RAB6A: variants seen among roughly 807,000 people sequenced by gnomAD.
The protein encoded by RAB6A is RAB6A, member RAS oncogene family, also known as ras-related protein Rab-6A.
In RAB6A, 8 loss-of-function variants were observed where a neutral mutation model predicts 32.3. The observed-to-expected ratio is 0.25, with a 90% CI of 0.15 to 0.45. RAB6A has a LOEUF of 0.45. Ranked by LOEUF, RAB6A falls within the 20% of genes least tolerant of loss-of-function variation. The probability of loss-of-function intolerance (pLI) is 1.00; values close to 1 mark genes in which losing one functional copy is unlikely to be tolerated. For missense variants in RAB6A, 104 were observed against 249.4 expected, an observed-to-expected ratio of 0.42 and a Z score of 3.93; for synonymous variants, 73 against 82.1, an observed-to-expected ratio of 0.89 and a Z score of 0.60.
chr11:73,716,136 G>T, intron 5 of RAB6A, 115 bp downstream of exon 5: 1 of 687,398 alleles, frequency 1.5e-6, no homozygotes, highest in Non-Finnish European at 2.4e-6. Flanking sequence ...AAGCAGGGGA[G>T]GACGTAAACT....
At position 73,709,328 on chromosome 11, in the gene RAB6A, T is replaced by TA. The variant is rs1241741010; in HGVS notation, c.402-1816dup. 4.6e-5 allele frequency among the ~76,000 whole-genome samples: 7 copies of TA among 151,866 alleles called. No homozygotes were observed. The East Asian group carries it at 9.6e-4, about 21-fold the overall frequency. On this transcript the variant is annotated intron_variant, in intron 5 of 7. Coordinates refer to ENST00000336083, the MANE Select transcript of RAB6A (RefSeq NM_198896.2). ...AATTATTTGGTTATCCTGAGGTACT[T>TA]AGAACAAGGAGGGAGGGAGTGACGG...
intron 1 of RAB6A, chr11:73,759,936 C>T: frequency 1.0e-6 from 1 of 995,228 alleles, no homozygotes; most frequent in Non-Finnish European, 1.3e-6. Flanking sequence ...CTTTCACCCC[C>T]AACCACCCCA....
At chr11:73,715,728 C>T (rs1415935717) in intron 5 of RAB6A, among the ~76,000 whole-genome samples, 2 of 152,172 alleles carry the variant, frequency 1.3e-5, no homozygotes, top group Non-Finnish European at 2.9e-5. Context: ...ACTTGAATAT[C>T]GCTTTGCTCA....
At chr11:73,692,788 C>CA (rs140762210) in intron 6 of RAB6A, among the ~76,000 whole-genome samples, 6,189 of 98,002 alleles carry the variant, frequency 0.063, 260 homozygotes, top group African/African-American at 0.1. Context: ...ACTAAAAATA[C>CA]AAAAAAAAAA....
At chr11:73,754,901 T>C (rs1946723514) in intron 1 of RAB6A, among the ~76,000 whole-genome samples, 1 of 151,938 alleles carries the variant, frequency 6.6e-6, no homozygotes, top group Non-Finnish European at 1.5e-5. Flanking sequence ...AAAAAGGGTA[T>C]TAACATGCAA....
chr11:73,693,753 C>T (rs1387454145), intron 6 of RAB6A, among the ~76,000 whole-genome samples: 3 of 151,534 alleles, frequency 2.0e-5, no homozygotes, highest in East Asian at 1.9e-4. Flanking sequence ...TGGTGGTGGA[C>T]GCCTGTAGTC....
chr11:73,679,222 CTAA>C (rs1945316510), intron 7 of RAB6A, among the ~76,000 whole-genome samples: 1 of 152,168 alleles, frequency 6.6e-6, no homozygotes, highest in African/African-American at 2.4e-5. Flanking sequence ...TGGAAATGAA[CTAA>C]TATTATGTCC....
chr11:73,745,074 T>C (rs1223852510), intron 1 of RAB6A, among the ~76,000 whole-genome samples: 2 of 151,990 alleles, frequency 1.3e-5, no homozygotes, highest in Non-Finnish European at 2.9e-5. Context: ...CACTTAAGTG[T>C]AGAAATTTTA....
At chr11:73,737,073 C>A (rs1056142992) in intron 1 of RAB6A, among the ~76,000 whole-genome samples, 1 of 151,258 alleles carries the variant, frequency 6.6e-6, no homozygotes, top group Non-Finnish European at 1.5e-5. Flanking sequence ...TCATATAGAA[C>A]GTATTATCTG....
At chr11:73,723,168 T>C (rs1046189130) in intron 2 of RAB6A, among the ~76,000 whole-genome samples, 4 of 152,112 alleles carry the variant, frequency 2.6e-5, no homozygotes, top group Non-Finnish European at 4.4e-5. Context: ...ACTAGAGTGA[T>C]GAACAAACAT....
At chr11:73,757,320 G>C (rs1413337900) in intron 1 of RAB6A, among the ~76,000 whole-genome samples, 1 of 148,862 alleles carries the variant, frequency 6.7e-6, no homozygotes, top group Non-Finnish European at 1.5e-5. Context: ...GATAATTTTT[G>C]TATTTTTGTA....
At chr11:73,750,766 T>C (rs1367864318) in intron 1 of RAB6A, among the ~76,000 whole-genome samples, 1 of 152,224 alleles carries the variant, frequency 6.6e-6, no homozygotes, top group Non-Finnish European at 1.5e-5. Flanking sequence ...TTGGCTACTA[T>C]GAATAATGCT....
intron 2 of RAB6A, chr11:73,722,334 TATATATA>T (rs1946151795): frequency 1.1e-4 from 1 of 9,066 alleles, no homozygotes; most frequent in African/African-American, 3.8e-4. Context: ...TATATATATA[TATATATA>T]TATTTTTTTT....
At chr11:73,755,487 TTC>T (rs1460071395) in intron 1 of RAB6A, among the ~76,000 whole-genome samples, 2 of 151,932 alleles carry the variant, frequency 1.3e-5, no homozygotes. Context: ...GAAACGGGGT[TTC>T]GCCATGTTGC....
At chr11:73,742,629 C>G (rs566377328) in intron 1 of RAB6A, among the ~76,000 whole-genome samples, 4 of 152,120 alleles carry the variant, frequency 2.6e-5, no homozygotes, top group African/African-American at 9.6e-5. Flanking sequence ...CTGACCAACA[C>G]GGAGAAACCC....
chr11:73,745,311 T>C (rs1284038595), intron 1 of RAB6A, among the ~76,000 whole-genome samples: 1 of 152,132 alleles, frequency 6.6e-6, no homozygotes, highest in Admixed American at 6.6e-5. Flanking sequence ...AATTAACCAA[T>C]GGAGAGAAAC....
chr11:73,719,446 G>A (rs184216355), intron 3 of RAB6A, among the ~76,000 whole-genome samples: 21 of 152,210 alleles, frequency 1.4e-4, no homozygotes, highest in Admixed American at 4.6e-4. Context: ...GTGTGTGCGC[G>A]CACGCATGCA....
chr11:73,738,460 C>G (rs1466217434), intron 1 of RAB6A, among the ~76,000 whole-genome samples: 1 of 152,022 alleles, frequency 6.6e-6, no homozygotes, highest in Non-Finnish European at 1.5e-5. Context: ...GCTAGCCGGG[C>G]AACAAAGCAA....
chr11:73,715,989 A>G (rs1946046594), intron 5 of RAB6A, among the ~76,000 whole-genome samples: 1 of 152,234 alleles, frequency 6.6e-6, no homozygotes, highest in Non-Finnish European at 1.5e-5. Flanking sequence ...AAAAAGCAAA[A>G]TATTTACTGG....
Sources: allele counts gnomAD v4.1 joint callset (sites outside exome capture counted in the v4.1 genomes callset), GRCh38; gene constraint gnomAD v4.1.1; transcripts MANE v1.5; gene names NCBI Gene and HGNC (gene_info 2026-07-23, HGNC 2026-07-21).